The following POLH variants were observed in gnomAD, a reference collection of about 807,000 sequenced individuals.
POLH encodes the protein DNA polymerase eta transcript.
POLH carries 53 observed loss-of-function variants against 73.6 expected under a neutral mutation model. The ratio of observed to expected loss-of-function variants is 0.72; its 90% CI spans 0.58 to 0.91. The LOEUF (loss-of-function observed/expected upper bound fraction) is 0.91, where lower values mean the gene tolerates loss of function less well. Among genes scored for constraint, POLH ranks in the 40% least tolerant of loss-of-function variants. The pLI is 0.00. For synonymous variants in POLH, 292 were observed against 308.5 expected, an observed-to-expected ratio of 0.95 and a Z score of 0.56; for missense variants, 768 against 865.4, an observed-to-expected ratio of 0.89 and a Z score of 1.41.
intron 10 of POLH, among the ~76,000 whole-genome samples, chr6:43,613,064 C>T (rs972566252): frequency 6.6e-6 from 1 of 152,088 alleles, no homozygotes; most frequent in African/African-American, 2.4e-5. Context: ...TCCCAAAGTG[C>T]TGGGATTACA....
Position 43,618,541 on chromosome 6 carries a change from GA to G in POLH, c.*3986del, listed in dbSNP as rs2127827742. Among the ~76,000 whole-genome samples, 1 of 152,272 alleles carries G rather than the reference GA, an allele frequency of 6.6e-6. No homozygotes were observed. The highest frequency in any genetic ancestry group is 6.5e-5 in the Admixed American group (1 of 15,286). Reference sequence around the variant, plus strand: ...TATGGGGAAACTTGAATTACACAGGGAACCCAACTGAAGAAAATGAACTGAA... The same window carrying G: ...TATGGGGAAACTTGAATTACACAGGGACCCAACTGAAGAAAATGAACTGAA... On this transcript the variant is annotated 3_prime_UTR_variant, in exon 11 of 11. Transcript: ENST00000372236.
intron 1 of POLH, among the ~76,000 whole-genome samples, chr6:43,577,179 AAAAT>A (rs757576471): frequency 1.3e-5 from 2 of 152,244 alleles, no homozygotes; most frequent in Non-Finnish European, 2.9e-5. Flanking sequence ...CTCCGTCTCA[AAAAT>A]AAATAAATAA....
intron 5 of POLH, among the ~76,000 whole-genome samples, chr6:43,599,074 C>T (rs1309615257): frequency 2.0e-5 from 3 of 150,882 alleles, no homozygotes; most frequent in East Asian, 1.9e-4. Flanking sequence ...CTGCAGCCTC[C>T]GCCTCCCGGG....
At chr6:43,593,161 G>T (rs1052279572) in intron 4 of POLH, among the ~76,000 whole-genome samples, 1 of 152,114 alleles carries the variant, frequency 6.6e-6, no homozygotes, top group Non-Finnish European at 1.5e-5. Context: ...ACTGTGTCTG[G>T]CTTTATCTTA....
chr6:43,587,146 C>T, intron 3 of POLH, 126 bp from the exon 4 acceptor site: 1 of 790,230 alleles, frequency 1.3e-6, no homozygotes, highest in African/African-American at 1.7e-5. Flanking sequence ...ATTGTCTAGT[C>T]TCTGTTAAGC....
intron 3 of POLH, among the ~76,000 whole-genome samples, chr6:43,585,773 G>A (rs965322078): frequency 2.0e-5 from 3 of 151,356 alleles, no homozygotes; most frequent in African/African-American, 7.3e-5. Flanking sequence ...AGCCTCCCGA[G>A]TAGCTGGGAT....
chr6:43,607,353 A>G (rs150617532), intron 9 of POLH, among the ~76,000 whole-genome samples: 2 of 152,324 alleles, frequency 1.3e-5, no homozygotes, highest in African/African-American at 4.8e-5. Context: ...TCAGCATCCA[A>G]AAGTGCTGGG....
intron 4 of POLH, 69 bp from the exon 5 acceptor site, chr6:43,597,627 T>C: frequency 7.1e-7 from 1 of 1,406,816 alleles, no homozygotes; most frequent in East Asian, 2.4e-5. Flanking sequence ...TAAGCATTTC[T>C]ACATTAGATA....
At chr6:43,582,606 G>A (rs1764401867) in intron 2 of POLH, 150 bp downstream of exon 2, 1 of 825,950 alleles carries the variant, frequency 1.2e-6, no homozygotes, top group Non-Finnish European at 2.1e-6. Context: ...GCTCACAGCA[G>A]CTTTGACCTG....
chr6:43,579,352 TTAGATCA>T (rs1763753658), intron 1 of POLH, among the ~76,000 whole-genome samples: 1 of 152,220 alleles, frequency 6.6e-6, no homozygotes, highest in Non-Finnish European at 1.5e-5. Context: ...TCTATTAGTA[TTAGATCA>T]TATCTTTTTT....
chr6:43,595,634 C>G (rs1326935420), intron 4 of POLH, among the ~76,000 whole-genome samples: 3 of 151,892 alleles, frequency 2.0e-5, no homozygotes, highest in African/African-American at 7.3e-5. Context: ...GACTGTAGTC[C>G]CAGCTACTTG....
At position 43,583,199 on chromosome 6, in the gene POLH, G is replaced by A. The variant is rs9333510; in HGVS notation, c.272+58G>A. On this transcript the variant is annotated intron_variant, in intron 3 of 10. Transcript: ENST00000372236. ...AGGAGTCGAAAATAATACTCCATGA[G>A]GCTAGGAACTGGTGTTTTGAATTTG... 2.2e-3 allele frequency: 3,301 copies of A among 1,484,140 alleles called. 61 individuals carry two copies. The African/African-American group carries it at 0.041, about 19-fold the overall frequency. The allele number at this position is 1,484,140 out of a possible 1,614,324, so 91.9% of individuals were successfully genotyped here.
rs758340317 is a variant in POLH at position 43,613,681 on chromosome 6, T to C, written c.1266T>C (p.Leu422=). ...QTEWSPPLTM[L]FLCATKFSAS... ...ATAGGTCTCCTCCTCTCACAATGCT[T>C]TTCCTCTGTGCTACAAAATTTTCTG... Residue 422 remains leucine (L), a synonymous_variant, in exon 11 of 11, where the codon CTT becomes CTC. Transcript: ENST00000372236. The C allele has an allele frequency of 5.6e-6, 9 of 1,613,884 alleles. No individual in the cohort carries two copies. In the East Asian group the frequency reaches 2.0e-4, roughly 36 times the overall value.
At position 43,582,821 on chromosome 6, in the gene POLH, G is replaced by A. The variant is rs7766101; in HGVS notation, c.138-186G>A. Among the ~76,000 whole-genome samples the A allele has an allele frequency of 0.036, 5,529 of 152,242 alleles. 346 individuals carry two copies. The highest frequency in any genetic ancestry group is 0.13 in the African/African-American group (5,238 of 41,510). On this transcript the variant is annotated intron_variant, in intron 2 of 10. Transcript: ENST00000372236. ...CTTGGCCTCCCAAAGTACAGGAATT[G>A]CCAGCATGAGCTGCTGTGCCTGGCC...
chr6:43,590,689 A>G (rs957391348), intron 4 of POLH, among the ~76,000 whole-genome samples: 10 of 152,010 alleles, frequency 6.6e-5, no homozygotes, highest in African/African-American at 1.9e-4. Context: ...TTGGGAGGCC[A>G]AGGCAGGTGA....
Position 43,603,223 on chromosome 6 carries a change from C to A in POLH, c.765-669C>A, listed in dbSNP as rs573943198. On this transcript the variant is annotated intron_variant, in intron 6 of 10. Transcript: ENST00000372236. The stretch of plus-strand genomic sequence containing the variant: ...CTCACTGTAACCTCTGCCTCCTGGG[C>A]TCAAGTGATCCTCCCACCTCAGCCT... Among the ~76,000 whole-genome samples the A allele has an allele frequency of 4.6e-5, 7 of 151,958 alleles. No homozygotes were observed. In the East Asian group the frequency reaches 1.2e-3, roughly 25 times the overall value.
chr6:43,583,470 CTG>C (rs1433859066), intron 3 of POLH, among the ~76,000 whole-genome samples: 1 of 152,134 alleles, frequency 6.6e-6, no homozygotes, highest in East Asian at 1.9e-4. Context: ...GACTGTGAAA[CTG>C]AGAATTTTTC....
rs1425916243 is a variant in POLH, at chr6:43,619,998, G to A, written c.*5441G>A. On this transcript the variant is annotated 3_prime_UTR_variant, in exon 11 of 11. Transcript: ENST00000372236. ...TTTGGCCCCTATTTACCCATAAAAT[G>A]TCAAAATCAAGTAGTATGAACATGG... is the stretch of plus-strand genomic sequence containing the variant. 3.9e-6 allele frequency: 1 copy of A among 257,738 alleles called. No individual in the cohort carries two copies. The highest frequency in any genetic ancestry group is 5.9e-5 in the Admixed American group (1 of 16,990). The allele number at this position is 257,738 out of a possible 1,614,324, so 16.0% of individuals were successfully genotyped here.
At chr6:43,588,104 C>T (rs1167505192) in intron 4 of POLH, 1 of 163,598 alleles carries the variant, frequency 6.1e-6, no homozygotes, top group Non-Finnish European at 1.4e-5. Flanking sequence ...ATTATTATAA[C>T]TTAGTGTCTT....
Sources: allele counts gnomAD v4.1 joint callset (sites outside exome capture counted in the v4.1 genomes callset), GRCh38; gene constraint gnomAD v4.1.1; transcripts MANE v1.5; gene names NCBI Gene and HGNC (gene_info 2026-07-23, HGNC 2026-07-21).